The following KCNN2 variants were observed in gnomAD, a reference collection of about 807,000 sequenced individuals.
KCNN2 encodes the protein potassium calcium-activated channel subfamily N member 2.
KCNN2 carries 24 observed loss-of-function variants against 55.5 expected under a neutral mutation model. The ratio of observed to expected loss-of-function variants is 0.43; its 90% CI spans 0.31 to 0.61. The LOEUF is 0.61. Ranked by LOEUF, KCNN2 falls within the 20% of genes least tolerant of loss-of-function variation. The pLI, the probability that KCNN2 is intolerant of heterozygous loss-of-function variation, is 0.08. For missense variants in KCNN2, 754 were observed against 853.6 expected, an observed-to-expected ratio of 0.88 and a Z score of 1.45; for synonymous variants, 431 against 336.1, an observed-to-expected ratio of 1.28 and a Z score of -3.09.
At chr5:114,126,743 G>T (rs963215293) in intron 1 of KCNN2, among the ~76,000 whole-genome samples, 1 of 152,026 alleles carries the variant, frequency 6.6e-6, no homozygotes, top group Non-Finnish European at 1.5e-5. Context: ...TAACTCAAAA[G>T]TCCACAGTCC....
At chr5:114,239,690 G>C (rs1354731509) in intron 2 of KCNN2, among the ~76,000 whole-genome samples, 1 of 152,088 alleles carries the variant, frequency 6.6e-6, no homozygotes, top group Admixed American at 6.6e-5. Flanking sequence ...TTTGAAAAGT[G>C]GTTCTTTGCA....
chr5:114,178,722 T>C (rs1333381496), intron 1 of KCNN2, among the ~76,000 whole-genome samples: 2 of 152,232 alleles, frequency 1.3e-5, no homozygotes, highest in African/African-American at 4.8e-5. Flanking sequence ...TAATTTCCCA[T>C]TGCATTTTAT....
chr5:114,444,281 C>T (rs1224726889), intron 3 of KCNN2, among the ~76,000 whole-genome samples: 1 of 152,032 alleles, frequency 6.6e-6, no homozygotes, highest in Non-Finnish European at 1.5e-5. Flanking sequence ...ATGGACCATA[C>T]AGCAAGGGAT....
chr5:114,159,991 G>T (rs1752730777), intron 1 of KCNN2, among the ~76,000 whole-genome samples: 1 of 152,066 alleles, frequency 6.6e-6, no homozygotes, highest in South Asian at 2.1e-4. Flanking sequence ...GGTTTTTTGT[G>T]TCTCTGTTTC....
At chr5:114,135,181 G>A (rs1752150422) in intron 1 of KCNN2, among the ~76,000 whole-genome samples, 1 of 151,986 alleles carries the variant, frequency 6.6e-6, no homozygotes, top group Admixed American at 6.6e-5. Flanking sequence ...AAGGTCCCCA[G>A]AATGCTCAGG....
At chr5:114,415,401 T>A (rs1759274285) in intron 3 of KCNN2, among the ~76,000 whole-genome samples, 1 of 152,230 alleles carries the variant, frequency 6.6e-6, no homozygotes, top group South Asian at 2.1e-4. Context: ...TATCACATCC[T>A]TGACAACATT....
At chr5:114,334,292 G>A (rs1238334697) in intron 2 of KCNN2, among the ~76,000 whole-genome samples, 1 of 144,390 alleles carries the variant, frequency 6.9e-6, no homozygotes, top group Non-Finnish European at 1.6e-5. Flanking sequence ...GTGTGTGTGT[G>A]TGTGTGTGTG....
chr5:114,450,160 A>C (rs975410790), intron 3 of KCNN2, among the ~76,000 whole-genome samples: 5 of 152,204 alleles, frequency 3.3e-5, no homozygotes, highest in African/African-American at 1.2e-4. Flanking sequence ...GGAAAATCAT[A>C]GTGGGGGCTT....
At chr5:114,227,994 CGATGATGATGATGATGATGAT>C (rs67331767) in intron 2 of KCNN2, among the ~76,000 whole-genome samples, 4 of 151,540 alleles carry the variant, frequency 2.6e-5, no homozygotes, top group South Asian at 4.2e-4. Flanking sequence ...ATGATGATGA[CGATGATGATGATGATGATGAT>C]GATGATGATG....
chr5:114,140,707 A>T (rs1161782126), intron 1 of KCNN2, among the ~76,000 whole-genome samples: 1 of 149,760 alleles, frequency 6.7e-6, no homozygotes, highest in Non-Finnish European at 1.5e-5. Context: ...TAAAACCAAA[A>T]ATGTTATCAT....
intron 2 of KCNN2, among the ~76,000 whole-genome samples, chr5:114,328,997 T>A (rs1166357411): frequency 6.6e-6 from 1 of 152,230 alleles, no homozygotes; most frequent in Non-Finnish European, 1.5e-5. Flanking sequence ...TCCTCCTTAC[T>A]TATTGCCCTC....
chr5:114,462,405 G>T (rs376927462), intron 3 of KCNN2, among the ~76,000 whole-genome samples: 1 of 152,152 alleles, frequency 6.6e-6, no homozygotes, highest in African/African-American at 2.4e-5. Context: ...CTGGTTATGG[G>T]CAGGGACTCT....
intron 1 of KCNN2, among the ~76,000 whole-genome samples, chr5:114,075,479 C>T (rs1332637988): frequency 6.6e-6 from 1 of 152,140 alleles, no homozygotes; most frequent in Non-Finnish European, 1.5e-5. Context: ...GTAAAATATG[C>T]TGCTGTGTAA....
At chr5:114,462,144 ATGGCCTTGC>A (rs1314924928) in intron 3 of KCNN2, among the ~76,000 whole-genome samples, 1 of 152,176 alleles carries the variant, frequency 6.6e-6, no homozygotes, top group African/African-American at 2.4e-5. Context: ...GACAACTCTG[ATGGCCTTGC>A]TGTTGTATGC....
At chr5:114,080,950 A>T (rs1178901894) in intron 1 of KCNN2, among the ~76,000 whole-genome samples, 1 of 152,156 alleles carries the variant, frequency 6.6e-6, no homozygotes, top group Non-Finnish European at 1.5e-5. Flanking sequence ...TCCGCACAAA[A>T]CACTGTTAGA....
At chr5:114,254,524 CT>C (rs1352180180) in intron 2 of KCNN2, among the ~76,000 whole-genome samples, 2 of 152,134 alleles carry the variant, frequency 1.3e-5, no homozygotes, top group African/African-American at 4.8e-5. Flanking sequence ...TTCAAAAACT[CT>C]TTGGTAGAGC....
intron 1 of KCNN2, among the ~76,000 whole-genome samples, chr5:114,062,037 C>T (rs1462947455): frequency 6.6e-6 from 1 of 151,900 alleles, no homozygotes; most frequent in East Asian, 1.9e-4. Flanking sequence ...TAGACATCTT[C>T]TCATACAGAA....
chr5:114,409,428 C>T (rs1759053487), intron 3 of KCNN2, among the ~76,000 whole-genome samples: 2 of 151,618 alleles, frequency 1.3e-5, no homozygotes, highest in Admixed American at 6.6e-5. Context: ...CCTTTTTTTT[C>T]CCCTCTTATA....
intron 2 of KCNN2, among the ~76,000 whole-genome samples, chr5:114,276,280 T>G (rs1281860214): frequency 2.0e-5 from 3 of 152,266 alleles, no homozygotes; most frequent in South Asian, 4.1e-4. Context: ...AAGTGCGATG[T>G]GGTGCTGAGA....
Sources: allele counts gnomAD v4.1 joint callset (sites outside exome capture counted in the v4.1 genomes callset), GRCh38; gene constraint gnomAD v4.1.1; transcripts MANE v1.5; gene names NCBI Gene and HGNC (gene_info 2026-07-23, HGNC 2026-07-21).